Variants in GALNS observed in about 807,000 individuals in gnomAD.
The protein encoded by GALNS is N-acetylgalactosamine-6-sulfatase.
A neutral mutation model predicts 65.9 loss-of-function variants in GALNS; 65 were observed. The observed-to-expected ratio is 0.99, with a 90% confidence interval of 0.81 to 1.21. GALNS has a LOEUF of 1.21. Ranked by LOEUF, GALNS falls within the 50% of genes most tolerant of loss-of-function variation. GALNS has a pLI of 0.00. For synonymous variants in GALNS, 346 were observed against 288.9 expected (o/e 1.20, Z -2.00); for missense variants, 776 against 700.7 (o/e 1.11, Z -1.21).
intron 12 of GALNS, among the ~76,000 whole-genome samples, chr16:88,821,924 C>T (rs1910262722): frequency 6.6e-6 from 1 of 152,114 alleles, no homozygotes; most frequent in South Asian, 2.1e-4. Context: ...GAATTGGGGA[C>T]CTGCTCATCC....
At chr16:88,819,057 C>T (rs1909932665) in intron 12 of GALNS, among the ~76,000 whole-genome samples, 1 of 152,240 alleles carries the variant, frequency 6.6e-6, no homozygotes, top group Non-Finnish European at 1.5e-5. Context: ...AGCCCGGACC[C>T]ACTGAAGCCC....
chr16:88,852,364 A>G (rs1276514344), intron 1 of GALNS, among the ~76,000 whole-genome samples: 1 of 152,252 alleles, frequency 6.6e-6, no homozygotes, highest in East Asian at 1.9e-4. Flanking sequence ...ATCTACGCCA[A>G]AACCCCATCT....
Position 88,815,846 on chromosome 16 carries a change from T to C in GALNS, c.1483-1321A>G, listed in dbSNP as rs1478180730. On this transcript the variant is annotated intron_variant, in intron 13 of 13. Transcript: ENST00000268695. ...GGGCAGCAGAGGCAGCCGCAGGGTG[T>C]GTTTGAGTCTGGATGGGGGATCTGC... The C allele has an allele frequency of 3.0e-6, 3 of 984,546 alleles. No homozygotes were observed. The South Asian group carries it at 1.4e-4, about 46-fold the overall frequency. 61.0% of individuals were successfully genotyped at this position (984,546 alleles called of 1,614,324 possible). A position where few individuals can be genotyped will look rare whatever the true frequency, so the allele number is the denominator to read the frequency against.
chr16:88,851,251 C>T (rs9888909), intron 1 of GALNS, among the ~76,000 whole-genome samples: 17,713 of 152,182 alleles, frequency 0.12, 1,206 homozygotes, highest in African/African-American at 0.2. Context: ...CAGTGGTTCA[C>T]GTCTGTTATC....
intron 13 of GALNS, chr16:88,815,494 C>A (rs1226852034): frequency 3.0e-6 from 3 of 985,376 alleles, no homozygotes; most frequent in East Asian, 1.1e-4. Context: ...CACAGTGCAG[C>A]CTTGCTTAGC....
At chr16:88,828,518 T>C (rs1299384359) in intron 9 of GALNS, among the ~76,000 whole-genome samples, 1 of 152,246 alleles carries the variant, frequency 6.6e-6, no homozygotes, top group Non-Finnish European at 1.5e-5. Context: ...GCGCTTTCAC[T>C]GAAACCCCGT....
In GALNS at chr16:88,822,649, T is replaced by C; in HGVS notation, c.1304A>G (p.His435Arg). 6.2e-7 allele frequency: 1 copy of C among 1,613,170 alleles called. No homozygotes were observed. The stretch of plus-strand genomic sequence containing the variant: ...GTGGAAGATCAGGGGCAGCTTCGTG[T>C]GGTCTTCCAGATTGTGAGTTGTGAC... ...SGVTTHNLED[H>R]TKLPLIFHLG... The change falls in exon 12 of 14, where the codon CAC becomes CGC. Residue 435 changes from histidine (H) to arginine (R), a missense_variant. Coordinates refer to ENST00000268695, the MANE Select transcript of GALNS (RefSeq NM_000512.5).
chr16:88,841,389 G>A (rs1446296235), intron 3 of GALNS, among the ~76,000 whole-genome samples: 1 of 152,110 alleles, frequency 6.6e-6, no homozygotes, highest in Non-Finnish European at 1.5e-5. Context: ...TGCCTCTCAG[G>A]CCAGCCTCCC....
intron 1 of GALNS, 117 bp downstream of exon 1, chr16:88,856,641 C>T: frequency 2.9e-6 from 1 of 349,680 alleles, no homozygotes; most frequent in Admixed American, 3.3e-5. Context: ...CCCAAGGGGC[C>T]TCCCCTCACC....
chr16:88,831,814 T>TG lies in GALNS; in HGVS notation c.1002+183dup, dbSNP rs150147834. ...GCGGTGAGGCCGAGCACGGGGAGCG[T>TG]GGGGAGGAGGGTGGTGAGGCTGAGC... On this transcript the variant is annotated intron_variant, in intron 9 of 13. Transcript: ENST00000268695. 4.0e-5 allele frequency among the ~76,000 whole-genome samples: 5 copies of TG among 124,200 alleles called. 1 individual carries two copies. Among genetic ancestry groups the TG allele is most frequent in the African/African-American group, 1.6e-4 (5 of 30,692 alleles). The allele number at this position is 124,200 out of a possible 152,430, so 81.5% of individuals were successfully genotyped here. A position where few individuals can be genotyped will look rare whatever the true frequency, so the allele number is the denominator to read the frequency against.
At chr16:88,856,574 C>CGG in intron 1 of GALNS, 184 bp downstream of exon 1, 1 of 577,658 alleles carries the variant, frequency 1.7e-6, no homozygotes, top group Non-Finnish European at 3.1e-6. Context: ...CCTCCCCGCA[C>CGG]GGGGATACCC....
chr16:88,842,097 C>T (rs1967003358), intron 2 of GALNS, 126 bp from the exon 3 acceptor site: 4 of 821,312 alleles, frequency 4.9e-6, no homozygotes, highest in Non-Finnish European at 6.2e-6. Flanking sequence ...TTACAAGGGG[C>T]TGCCACGCCT....
rs34618279 is a variant in GALNS at position 88,853,251 on chromosome 16, CAAAAAA to C, written c.120+3501_120+3506del. 3.8e-3 allele frequency among the ~76,000 whole-genome samples: 245 copies of C among 64,676 alleles called. 2 individuals are homozygous for C. The highest frequency in any genetic ancestry group is 0.013 in the African/African-American group (210 of 15,784). The allele number at this position is 64,676 out of a possible 152,430, so 42.4% of individuals were successfully genotyped here. On this transcript the variant is annotated intron_variant, in intron 1 of 13. Coordinates refer to ENST00000268695, the MANE Select transcript of GALNS (RefSeq NM_000512.5). ...GGGTGACCAGAGTGAGACTCCATCT[CAAAAAA>C]AAAAAAAAAAAAAAAAAAGGCCTAA... is the stretch of plus-strand genomic sequence containing the variant.
chr16:88,825,519 G>A lies in GALNS; in HGVS notation c.1140-650C>T, dbSNP rs1338411595. On this transcript the variant is annotated intron_variant, in intron 10 of 13. Transcript: ENST00000268695. Reference sequence around the variant, plus strand: ...TGGGGTGCCTGGATGTCTGGGGCTGGGGTTTCTGGGCAGCCGGGGCTGGGG... The same window carrying A: ...TGGGGTGCCTGGATGTCTGGGGCTGAGGTTTCTGGGCAGCCGGGGCTGGGG... Among the ~76,000 whole-genome samples the A allele has an allele frequency of 2.2e-5, 3 of 137,166 alleles. No individual in the cohort carries two copies. In the Admixed American group the frequency reaches 2.3e-4, roughly 11 times the overall value. 90.0% of individuals were successfully genotyped at this position (137,166 alleles called of 152,430 possible). A position where few individuals can be genotyped will look rare whatever the true frequency, so the allele number is the denominator to read the frequency against.
chr16:88,832,158 C>T, intron 8 of GALNS, 57 bp from the exon 9 acceptor site: 5 of 1,441,318 alleles, frequency 3.5e-6, no homozygotes, highest in Admixed American at 1.8e-5. Flanking sequence ...AGGCCCTCCC[C>T]CTCCCTCCCC....
At chr16:88,836,392 A>C (rs543435186) in intron 5 of GALNS, 125 bp from the exon 6 acceptor site, 236 of 795,828 alleles carry the variant, frequency 3.0e-4, no homozygotes, top group Admixed American at 1.2e-4. Context: ...GTCATGGCTC[A>C]TGCCTGTAAT....
rs1234024009 is a variant in GALNS at position 88,814,053 on chromosome 16, CTG to C, written c.*384_*385del. 3 of 364,896 alleles carry C rather than the reference CTG, an allele frequency of 8.2e-6. No individual in the cohort carries two copies. The highest frequency in any genetic ancestry group is 1.6e-5 in the Non-Finnish European group (3 of 188,928). 22.6% of individuals were successfully genotyped at this position (364,896 alleles called of 1,614,324 possible). On this transcript the variant is annotated 3_prime_UTR_variant, in exon 14 of 14. Coordinates refer to ENST00000268695, the MANE Select transcript of GALNS (RefSeq NM_000512.5). ...TCTCCCTAAGATGTATAAAGGCAAA[CTG>C]TATCCCCAGCCACCTCAGGCACCTG...
chr16:88,819,393 C>T (rs1027922454), intron 12 of GALNS, among the ~76,000 whole-genome samples: 1 of 152,216 alleles, frequency 6.6e-6, no homozygotes, highest in Non-Finnish European at 1.5e-5. Context: ...CATTTTTAAT[C>T]CAGGAGGGTC....
intron 12 of GALNS, among the ~76,000 whole-genome samples, chr16:88,821,945 A>C (rs1296759745): frequency 1.3e-5 from 2 of 151,870 alleles, no homozygotes; most frequent in Non-Finnish European, 2.9e-5. Flanking sequence ...TGCTGGGGTG[A>C]GGGGGGGAAG....
Sources: allele counts gnomAD v4.1 joint callset (sites outside exome capture counted in the v4.1 genomes callset), GRCh38; gene constraint gnomAD v4.1.1; transcripts MANE v1.5; gene names NCBI Gene and HGNC (gene_info 2026-07-23, HGNC 2026-07-21).